LAMA5: variants seen among roughly 807,000 people sequenced by gnomAD.
LAMA5 encodes the protein laminin subunit alpha-5.
Under a neutral mutation model 433.4 loss-of-function variants are expected in LAMA5, and 260 were observed. The observed-to-expected ratio is 0.60, with a 90% CI of 0.54 to 0.66. The LOEUF is 0.66. Ranked by LOEUF, LAMA5 falls within the 30% of genes least tolerant of loss-of-function variation. LAMA5 has a pLI of 0.00. For synonymous variants in LAMA5, 2,620 were observed against 2,226.6 expected (o/e 1.18, Z -4.97); for missense variants, 5,378 against 5,258.5 (o/e 1.02, Z -0.70).
chr20:62,317,470 A>G lies in LAMA5; in HGVS notation c.7386T>C (p.Asp2462=), dbSNP rs2427281. Residue 2462 remains aspartate, a synonymous_variant, in exon 55 of 80, where the codon GAT becomes GAC. Transcript: ENST00000252999. ...EELERLAASL[D]GARTPLLQRM... Reference sequence around the variant, plus strand: ...TCTGCAGCAGTGGGGTCCGAGCCCCATCCAGGCTGGCGGCGAGGCGCTCCA... The same window carrying G: ...TCTGCAGCAGTGGGGTCCGAGCCCCGTCCAGGCTGGCGGCGAGGCGCTCCA... The G allele has an allele frequency of 1, 1,564,205 of 1,564,422 alleles. 781,994 individuals are homozygous for G. The highest frequency in any genetic ancestry group is 1 in the East Asian group (43,967 of 43,968).
chr20:62,310,887 C>A lies in LAMA5; in HGVS notation c.10281+15G>T, dbSNP rs1464173424. The A allele has an allele frequency of 5.0e-6, 8 of 1,608,408 alleles. No homozygotes were observed. Among genetic ancestry groups the A allele is most frequent in the Non-Finnish European group, 6.8e-6 (8 of 1,178,426 alleles). ...CCAGGCCCTGCCCACCACCTTCCTT[C>A]TTCTCGGCCCTCACCTTGTGCCAGC... On this transcript the variant is annotated intron_variant, in intron 74 of 79. Coordinates refer to ENST00000252999, the MANE Select transcript of LAMA5 (RefSeq NM_005560.6).
intron 17 of LAMA5, 67 bp downstream of exon 17, chr20:62,336,667 G>C: frequency 1.9e-6 from 3 of 1,568,034 alleles, no homozygotes; most frequent in Non-Finnish European, 2.6e-6. Context: ...GGTCTCACCG[G>C]ACTCGGGACT....
chr20:62,325,136 G>A (rs1018825199), intron 41 of LAMA5, 180 bp downstream of exon 41: 71 of 572,192 alleles, frequency 1.2e-4, no homozygotes, highest in Non-Finnish European at 4.6e-5. Flanking sequence ...AGGCAGACAG[G>A]CAGCAGGGGA....
At chr20:62,319,431 C>T (rs138905557) in intron 51 of LAMA5, among the ~76,000 whole-genome samples, 2,250 of 152,188 alleles carry the variant, frequency 0.015, 25 homozygotes, top group Non-Finnish European at 0.022. Context: ...TCTGTGAGCG[C>T]GAACATCTAA....
chr20:62,310,444 T>C lies in LAMA5; in HGVS notation c.10575A>G (p.Pro3525=). The C allele has an allele frequency of 6.2e-7, 1 of 1,604,000 alleles. No individual in the cohort carries two copies. Among genetic ancestry groups the C allele is most frequent in the Non-Finnish European group, 8.5e-7 (1 of 1,176,420 alleles). The part of the protein sequence containing the change: ...LGPLEAGLFF[P]GSGGVITLDL... ...CTAAAGTGATAACTCCCCCGCTGCC[T>C]GGGAAGAACAGGCCCGCCTCCAGGG... Residue 3525 remains proline (P), a synonymous_variant, in exon 76 of 80, where the codon CCA becomes CCG. Coordinates refer to ENST00000252999, the MANE Select transcript of LAMA5 (RefSeq NM_005560.6).
At chr20:62,366,873 C>T in intron 1 of LAMA5, 76 bp downstream of exon 1, 1 of 1,228,082 alleles carries the variant, frequency 8.1e-7, no homozygotes, top group East Asian at 3.2e-5. Context: ...GGCCACGGCG[C>T]TCCCCCTGGG....
chr20:62,322,243 C>T (rs776715728), intron 47 of LAMA5, 26 bp downstream of exon 47: 2 of 1,569,946 alleles, frequency 1.3e-6, no homozygotes, highest in Non-Finnish European at 1.7e-6. Flanking sequence ...TCCCCATCCG[C>T]CCTCCTGTGA....
rs1983333676 is a variant in LAMA5 at position 62,346,176 on chromosome 20, T to C, written c.1322A>G (p.Glu441Gly). 2 of 1,612,840 alleles carry C rather than the reference T, an allele frequency of 1.2e-6. No homozygotes were observed. The highest frequency in any genetic ancestry group is 8.5e-7 in the Non-Finnish European group (1 of 1,179,906). The change falls in exon 10 of 80, where the codon GAG (glutamate) becomes GGG (glycine). Residue 441 changes from glutamate (E) to glycine (G), a missense_variant. Glu to Gly is a moderately conservative substitution (Grantham distance 98, BLOSUM62 -2). Coordinates refer to ENST00000252999, the MANE Select transcript of LAMA5 (RefSeq NM_005560.6). ...CESDFTDGTC[E>G]DLTGRCYCRP... ...GCAGTAGCATCGACCCGTCAGGTCCTCGCAGGTGCCATCCGTGAAGTCGGA... is the reference window on the plus strand; with the variant it reads ...GCAGTAGCATCGACCCGTCAGGTCCCCGCAGGTGCCATCCGTGAAGTCGGA...
Position 62,333,696 on chromosome 20 carries a change from C to T in LAMA5, c.2889G>A (p.Gln963=). The T allele has an allele frequency of 6.3e-7, 1 of 1,591,246 alleles. No homozygotes were observed. The highest frequency in any genetic ancestry group is 1.7e-4 in the Middle Eastern group (1 of 6,004). Residue 963 remains glutamine (Q), a synonymous_variant, in exon 24 of 80, where the codon CAG becomes CAA. Coordinates refer to ENST00000252999, the MANE Select transcript of LAMA5 (RefSeq NM_005560.6). ...TGGGTGGGAAGGCCACGGGCTGACTCTGTGCTGTGCCTGGGCGGGGGCAGG... is the reference window on the plus strand; with the variant it reads ...TGGGTGGGAAGGCCACGGGCTGACTTTGTGCTGTGCCTGGGCGGGGGCAGG... ...RSATCANCTA[Q]SQPVAFPPST...
At position 62,316,873 on chromosome 20, in the gene LAMA5, G is replaced by A. The variant is rs755634227; in HGVS notation, c.7653+9C>T. On this transcript the variant is annotated intron_variant, in intron 56 of 79. Coordinates refer to ENST00000252999, the MANE Select transcript of LAMA5 (RefSeq NM_005560.6). Reference sequence around the variant, plus strand: ...CCTGCTGGGGCTGAGGGGAAGTGAGGGGCCTCACCGCCCACGTGTGGTCCG... The same window carrying A: ...CCTGCTGGGGCTGAGGGGAAGTGAGAGGCCTCACCGCCCACGTGTGGTCCG... The A allele has an allele frequency of 8.5e-6, 13 of 1,530,166 alleles. No homozygotes were observed. The African/African-American group carries it at 1.4e-4, about 16-fold the overall frequency. 94.8% of individuals were successfully genotyped at this position (1,530,166 alleles called of 1,614,324 possible).
intron 16 of LAMA5, among the ~76,000 whole-genome samples, 193 bp downstream of exon 16, chr20:62,337,397 G>A (rs1568951065): frequency 1.3e-5 from 2 of 152,230 alleles, no homozygotes; most frequent in African/African-American, 2.4e-5. Flanking sequence ...TGCACAGCAC[G>A]CAGACACGGG....
At chr20:62,321,743 C>CCAGCGGAGGGGTGGGGT (rs1568918969) in intron 48 of LAMA5, among the ~76,000 whole-genome samples, 5 of 50,028 alleles carry the variant, frequency 1.0e-4, no homozygotes, top group Non-Finnish European at 1.9e-4. Context: ...AGGGGTGGGG[C>CCAGCGGAGGGGTGGGGT]CAGTGGAGGG....
Position 62,327,673 on chromosome 20 carries a change from G to C in LAMA5, c.4798-4C>G. The stretch of plus-strand genomic sequence containing the variant: ...ATTTGGGGCCCTGCACGTTCTCCTA[G>C]GGATGAGAGGACAGTGAGAGTGGTC... On this transcript the variant is annotated splice_region_variant and splice_polypyrimidine_tract_variant and intron_variant, in intron 36 of 79. Transcript: ENST00000252999. 1 of 1,612,464 alleles carries C rather than the reference G, an allele frequency of 6.2e-7. No individual in the cohort carries two copies. The highest frequency in any genetic ancestry group is 1.1e-5 in the South Asian group (1 of 91,066).
Position 62,330,824 on chromosome 20 carries a change from G to A in LAMA5, c.3771C>T (p.Ala1257=), listed in dbSNP as rs1228867959. 1.3e-6 allele frequency: 2 copies of A among 1,546,662 alleles called. No homozygotes were observed. The highest frequency in any genetic ancestry group is 1.2e-5 in the South Asian group (1 of 83,610). Residue 1257 remains alanine, a synonymous_variant, in exon 30 of 80, where the codon GCC becomes GCT. Transcript: ENST00000252999. The stretch of plus-strand genomic sequence containing the variant: ...GAGGTCGGGGTCCAGCTGGGGACAT[G>A]GCTGGAGTGAGATCCTGCGCGTGGG... The part of the protein sequence containing the change: ...PLTHAQDLTP[A]MSPAGPRPRP...
rs747688776 is a variant in LAMA5, at chr20:62,320,575, C to T, written c.6743G>A (p.Arg2248Gln). 1.5e-5 allele frequency: 24 copies of T among 1,599,168 alleles called. No homozygotes were observed. The highest frequency in any genetic ancestry group is 1.7e-4 in the Middle Eastern group (1 of 5,856). The change falls in exon 50 of 80, where the codon CGG becomes CAG. Residue 2248 changes from arginine (R) to glutamine (Q), a missense_variant. By Grantham distance (43) the Arg-to-Gln change is conservative. Coordinates refer to ENST00000252999, the MANE Select transcript of LAMA5 (RefSeq NM_005560.6). Reference sequence around the variant, plus strand: ...GGCTCCTGCCTGGCCGCCTAGCCGCCGTGCGTCCTGCCCGAGGCTTGTGCT... The same window carrying T: ...GGCTCCTGCCTGGCCGCCTAGCCGCTGTGCGTCCTGCCCGAGGCTTGTGCT... ...QQSTSLGQDA[R>Q]RLGGQAVGTR... is the part of the protein sequence containing the mutation.
chr20:62,321,658 G>T (rs1251392355), intron 48 of LAMA5, among the ~76,000 whole-genome samples: 2 of 88,730 alleles, frequency 2.3e-5, no homozygotes, highest in African/African-American at 1.0e-4. Context: ...AAGAGGTGGG[G>T]CCAATGGGGG....
intron 2 of LAMA5, 151 bp from the exon 3 acceptor site, chr20:62,353,402 G>C: frequency 1.7e-6 from 1 of 583,940 alleles, no homozygotes; most frequent in Non-Finnish European, 3.0e-6. Context: ...TGCCTGTGTG[G>C]GGCAGACGAA....
chr20:62,318,868 C>G lies in LAMA5; in HGVS notation c.7017G>C (p.Glu2339Asp), dbSNP rs981578818. 5 of 1,609,970 alleles carry G rather than the reference C, an allele frequency of 3.1e-6. No individual in the cohort carries two copies. The highest frequency in any genetic ancestry group is 4.2e-6 in the Non-Finnish European group (5 of 1,179,324). The part of the protein sequence containing the change: ...RDLGAPQAAA[E>D]AELAAAQRLL... ...ATCTCTGTGCTGCAGCCAACTCAGCCTCAGCTGCTGCCTGCGGGGCCCCCA... is the reference window on the plus strand; with the variant it reads ...ATCTCTGTGCTGCAGCCAACTCAGCGTCAGCTGCTGCCTGCGGGGCCCCCA... The change falls in exon 52 of 80, where the codon GAG becomes GAC. Residue 2339 changes from glutamate to aspartate, a missense_variant. By Grantham distance (45) the Glu-to-Asp change is conservative. Transcript: ENST00000252999.
In LAMA5 at chr20:62,328,959, A is replaced by T. The variant is rs553012227; in HGVS notation, c.4332T>A (p.Gly1444=). Residue 1444 remains glycine, a synonymous_variant, in exon 34 of 80, where the codon GGT becomes GGA. Coordinates refer to ENST00000252999, the MANE Select transcript of LAMA5 (RefSeq NM_005560.6). ...GARPCGCHEV[G]ATGPTCEPFG... ...AGGGCTCACACGTGGGGCCTGTAGC[A>T]CCTACTTCGTGGCAGCCACATGGAC... 1 of 1,612,256 alleles carries T rather than the reference A, an allele frequency of 6.2e-7. No homozygotes were observed. The highest frequency in any genetic ancestry group is 2.2e-5 in the East Asian group (1 of 44,872).
Sources: allele counts gnomAD v4.1 joint callset (sites outside exome capture counted in the v4.1 genomes callset), GRCh38; gene constraint gnomAD v4.1.1; transcripts MANE v1.5; gene names NCBI Gene and HGNC (gene_info 2026-07-23, HGNC 2026-07-21).